The following FRMD4A variants were observed in gnomAD, a reference collection of about 807,000 sequenced individuals.
The protein encoded by FRMD4A is FERM domain-containing protein 4A.
A neutral mutation model predicts 129.1 loss-of-function variants in FRMD4A; 29 were observed. The ratio of observed to expected loss-of-function variants is 0.22; its 90% CI spans 0.17 to 0.31. The LOEUF is 0.31. Among genes scored for constraint, FRMD4A ranks in the 10% least tolerant of loss-of-function variants. The probability of loss-of-function intolerance (pLI) is 1.00; values close to 1 mark genes in which losing one functional copy is unlikely to be tolerated. For missense variants in FRMD4A, 1,272 were observed against 1,375.8 expected (o/e 0.92, Z 1.19); for synonymous variants, 634 against 571.6 (o/e 1.11, Z -1.56).
chr10:13,871,125 C>T (rs1319393538), intron 2 of FRMD4A: 1 of 163,600 alleles, frequency 6.1e-6, no homozygotes, highest in African/African-American at 2.4e-5. Flanking sequence ...ATAATGGATG[C>T]TTGGGTTCGC....
At chr10:13,775,410 G>A (rs1285942857) in intron 6 of FRMD4A, among the ~76,000 whole-genome samples, 3 of 152,144 alleles carry the variant, frequency 2.0e-5, no homozygotes, top group Admixed American at 2.0e-4. Context: ...CAACGCCTTT[G>A]GTATTCTGAG....
chr10:14,008,699 T>C (rs2095671032), intron 2 of FRMD4A, among the ~76,000 whole-genome samples: 2 of 152,342 alleles, frequency 1.3e-5, no homozygotes, highest in African/African-American at 4.8e-5. Context: ...TCCTACACTC[T>C]GATTTCACTC....
At chr10:13,960,477 T>C (rs1588561664) in intron 2 of FRMD4A, among the ~76,000 whole-genome samples, 1 of 152,216 alleles carries the variant, frequency 6.6e-6, no homozygotes, top group East Asian at 1.9e-4. Context: ...TTTCTCAGGT[T>C]TGGTCTAAGT....
intron 3 of FRMD4A, among the ~76,000 whole-genome samples, chr10:13,812,410 T>A (rs2093464969): frequency 1.3e-5 from 2 of 152,292 alleles, no homozygotes; most frequent in South Asian, 4.1e-4. Flanking sequence ...GGGGCCAAAA[T>A]GCAAAGGTGG....
Position 13,657,358 on chromosome 10 carries a change from A to ATGGGGTCTGAGCCGTTGGAC in FRMD4A, c.2230_2231insGTCCAACGGCTCAGACCCCA (p.Met744SerfsTer28). On this transcript the variant is annotated frameshift_variant, in exon 22 of 25. Coordinates refer to ENST00000357447, the MANE Select transcript of FRMD4A (RefSeq NM_018027.5). LOFTEE classifies it high-confidence loss of function. ...GCTGGTGCACGACGAGCAGTCGTCC[A>ATGGGGTCTGAGCCGTTGGAC]TGGGGTCTGAGCCGTTGCTGCTACG... The ATGGGGTCTGAGCCGTTGGAC allele has an allele frequency of 6.2e-7, 1 of 1,611,112 alleles. No homozygotes were observed. Among genetic ancestry groups the ATGGGGTCTGAGCCGTTGGAC allele is most frequent in the African/African-American group, 1.3e-5 (1 of 75,030 alleles).
intron 5 of FRMD4A, among the ~76,000 whole-genome samples, chr10:13,793,484 G>C (rs750415485): frequency 3.3e-5 from 5 of 152,098 alleles, no homozygotes; most frequent in Non-Finnish European, 7.4e-5. Context: ...TCTTTTATCA[G>C]GTGGCTCGAT....
In FRMD4A at chr10:14,105,683, T is replaced by G. The variant is rs77070001; in HGVS notation, c.45+224375A>C. On this transcript the variant is annotated intron_variant, in intron 2 of 24. Transcript: ENST00000357447. ...AAAAAGTTGGTTTGTTTGAAGCAGG[T>G]TCCAGATAAGGTCCATAAATAGTGA... Among the ~76,000 whole-genome samples, 760 of 152,316 alleles carry G rather than the reference T, an allele frequency of 5.0e-3. 4 individuals carry two copies. Among genetic ancestry groups the G allele is most frequent in the African/African-American group, 0.017 (723 of 41,560 alleles).
At chr10:13,778,608 TG>T in intron 6 of FRMD4A, among the ~76,000 whole-genome samples, 1 of 146,618 alleles carries the variant, frequency 6.8e-6, no homozygotes, top group African/African-American at 2.5e-5. Flanking sequence ...CGTGTGTGTG[TG>T]TGTGTGTGTG....
intron 15 of FRMD4A, among the ~76,000 whole-genome samples, chr10:13,679,478 C>T (rs35614060): frequency 0.36 from 20,071 of 56,046 alleles, 3,777 homozygotes; most frequent in Middle Eastern, 0.45. Flanking sequence ...TATATATACA[C>T]ACACACACAC....
At chr10:14,024,490 A>T (rs1374521190) in intron 2 of FRMD4A, among the ~76,000 whole-genome samples, 1 of 152,212 alleles carries the variant, frequency 6.6e-6, no homozygotes, top group Non-Finnish European at 1.5e-5. Context: ...CTCAGGAAAC[A>T]CCGTCGGCGT....
At chr10:13,911,718 C>T (rs1432908139) in intron 2 of FRMD4A, among the ~76,000 whole-genome samples, 1 of 152,206 alleles carries the variant, frequency 6.6e-6, no homozygotes, top group South Asian at 2.1e-4. Flanking sequence ...CGTGCCACCT[C>T]GCCTGGCTAA....
chr10:14,065,902 G>A (rs918295784), intron 2 of FRMD4A, among the ~76,000 whole-genome samples: 4 of 152,104 alleles, frequency 2.6e-5, no homozygotes, highest in Non-Finnish European at 5.9e-5. Context: ...GGAGATACCC[G>A]GGGTCCTAGC....
chr10:13,657,466 C>T lies in FRMD4A; in HGVS notation c.2123G>A (p.Arg708Gln), dbSNP rs1253986905. Residue 708 changes from arginine to glutamine, a missense_variant, in exon 22 of 25, where the codon CGG becomes CAG. By Grantham distance (43) the Arg-to-Gln change is conservative. Transcript: ENST00000357447. ...LHSLALHFRH[R>Q]SSSLESQGKL... is the part of the protein sequence containing the mutation. Reference sequence around the variant, plus strand: ...GCCCTGGGACTCCAGGCTGGAGCTCCGGTGCCTAAAGTGCAGTGCGAGGCT... The same window carrying T: ...GCCCTGGGACTCCAGGCTGGAGCTCTGGTGCCTAAAGTGCAGTGCGAGGCT... 6.2e-7 allele frequency: 1 copy of T among 1,610,892 alleles called. No individual in the cohort carries two copies. Among genetic ancestry groups the T allele is most frequent in the Non-Finnish European group, 8.5e-7 (1 of 1,179,698 alleles).
rs75844481 is a variant in FRMD4A, at chr10:13,993,296, C to G, written c.46-134384G>C. ...CCAGAGTTCCTCAGGGTTTAGCCAACGTTTCCATCAGAAAAGGAGCTGTGA... is the reference window on the plus strand; with the variant it reads ...CCAGAGTTCCTCAGGGTTTAGCCAAGGTTTCCATCAGAAAAGGAGCTGTGA... On this transcript the variant is annotated intron_variant, in intron 2 of 24. Coordinates refer to ENST00000357447, the MANE Select transcript of FRMD4A (RefSeq NM_018027.5). Among the ~76,000 whole-genome samples the G allele has an allele frequency of 2.1e-4, 32 of 152,258 alleles. No individual in the cohort carries two copies. The East Asian group carries it at 4.1e-3, about 19-fold the overall frequency.
At chr10:13,788,650 C>T (rs918946181) in intron 5 of FRMD4A, among the ~76,000 whole-genome samples, 1 of 152,198 alleles carries the variant, frequency 6.6e-6, no homozygotes, top group Admixed American at 6.5e-5. Flanking sequence ...AGATGGAGCG[C>T]AGACCTTGCT....
At chr10:13,680,024 G>C (rs1196818668) in intron 15 of FRMD4A, among the ~76,000 whole-genome samples, 1 of 152,232 alleles carries the variant, frequency 6.6e-6, no homozygotes, top group Non-Finnish European at 1.5e-5. Context: ...AGGGAAGAAG[G>C]AAAGAAGCTA....
intron 2 of FRMD4A, among the ~76,000 whole-genome samples, chr10:14,011,086 G>A (rs2095680578): frequency 6.6e-6 from 1 of 152,192 alleles, no homozygotes; most frequent in Admixed American, 6.5e-5. Flanking sequence ...GAGCTAGGAT[G>A]AAAACCAAAG....
chr10:14,293,812 C>T (rs983498007), intron 2 of FRMD4A, among the ~76,000 whole-genome samples: 1 of 152,170 alleles, frequency 6.6e-6, no homozygotes, highest in African/African-American at 2.4e-5. Flanking sequence ...TGTTGTCACA[C>T]TCGTGAAAAT....
At chr10:13,949,344 T>TAATG (rs1180487843) in intron 2 of FRMD4A, among the ~76,000 whole-genome samples, 1 of 149,004 alleles carries the variant, frequency 6.7e-6, no homozygotes, top group Non-Finnish European at 1.5e-5. Flanking sequence ...TAGGATGGGG[T>TAATG]AATGAGAAGT....
Sources: gnomAD v4.1 joint callset for allele counts (sites outside exome capture counted in the v4.1 genomes callset) on GRCh38, gnomAD v4.1.1 for gene constraint, MANE v1.5 for transcripts, NCBI Gene and HGNC (gene_info 2026-07-23, HGNC 2026-07-21) for gene names.